ASIC2: variants seen among roughly 807,000 people sequenced by gnomAD.
The protein encoded by ASIC2 is acid sensing ion channel subunit 2, also known as acid-sensing ion channel 2.
A neutral mutation model predicts 57.3 loss-of-function variants in ASIC2; 25 were observed. The observed-to-expected ratio is 0.44, with a 90% CI of 0.32 to 0.61. The LOEUF is 0.61. Among genes scored for constraint, ASIC2 ranks in the 20% least tolerant of loss-of-function variants. The pLI is 0.06. For missense variants in ASIC2, 641 were observed against 738.1 expected, an observed-to-expected ratio of 0.87 and a Z score of 1.52; for synonymous variants, 319 against 307.5, an observed-to-expected ratio of 1.04 and a Z score of -0.39.
At chr17:34,069,341 C>A (rs1217697217) in intron 1 of ASIC2, 1 of 80,134 alleles carries the variant, frequency 1.2e-5, no homozygotes, top group Non-Finnish European at 2.6e-5. Flanking sequence ...CTTTTTCTTT[C>A]ATTTTTTTCT....
chr17:33,156,788 A>T (rs1198025499), intron 1 of ASIC2, among the ~76,000 whole-genome samples: 1 of 152,016 alleles, frequency 6.6e-6, no homozygotes, highest in Non-Finnish European at 1.5e-5. Flanking sequence ...CAAACAAACA[A>T]ATCAGTGCTT....
At chr17:33,475,687 C>T (rs1913196911) in intron 1 of ASIC2, among the ~76,000 whole-genome samples, 1 of 152,174 alleles carries the variant, frequency 6.6e-6, no homozygotes, top group Admixed American at 6.5e-5. Flanking sequence ...AAGTCTTTTG[C>T]AGCTCCTCAC....
intron 1 of ASIC2, among the ~76,000 whole-genome samples, chr17:33,655,048 A>G (rs1191432259): frequency 1.3e-5 from 2 of 152,132 alleles, no homozygotes; most frequent in Admixed American, 1.3e-4. Context: ...CTCTTCTCTC[A>G]ATCCCCCACT....
chr17:33,803,869 A>G (rs1464560514), intron 1 of ASIC2, among the ~76,000 whole-genome samples: 5 of 152,174 alleles, frequency 3.3e-5, no homozygotes, highest in Admixed American at 2.0e-4. Context: ...ACTACAGCCC[A>G]GGAGCCTTTT....
chr17:33,124,918 AG>A (rs1163524064), intron 1 of ASIC2, among the ~76,000 whole-genome samples: 2 of 152,164 alleles, frequency 1.3e-5, no homozygotes, highest in Admixed American at 6.5e-5. Flanking sequence ...GATTCTCTTA[AG>A]GGGGGCACAA....
chr17:33,911,178 C>G (rs1414112383), intron 1 of ASIC2, among the ~76,000 whole-genome samples: 5 of 152,190 alleles, frequency 3.3e-5, no homozygotes, highest in Non-Finnish European at 5.9e-5. Context: ...GATGTTTTTT[C>G]TTTATCATCC....
chr17:33,723,771 G>A lies in ASIC2; in HGVS notation c.555+432207C>T, dbSNP rs574507948. ...GCTTTGTGGATGATGGACGTATTCT[G>A]TTCTTTGTTCTGGATGGTGGTTCTC... On this transcript the variant is annotated intron_variant, in intron 1 of 9. Transcript: ENST00000359872. Among the ~76,000 whole-genome samples the A allele has an allele frequency of 3.3e-5, 5 of 152,336 alleles. No individual in the cohort carries two copies. The East Asian group carries it at 9.6e-4, about 29-fold the overall frequency.
At chr17:33,690,646 TG>T (rs1370519585) in intron 1 of ASIC2, among the ~76,000 whole-genome samples, 1 of 152,052 alleles carries the variant, frequency 6.6e-6, no homozygotes, top group Non-Finnish European at 1.5e-5. Flanking sequence ...TATGGTTTGT[TG>T]GGGGCTGTCA....
At chr17:33,749,480 G>A (rs1026447714) in intron 1 of ASIC2, among the ~76,000 whole-genome samples, 7 of 152,026 alleles carry the variant, frequency 4.6e-5, no homozygotes, top group African/African-American at 1.7e-4. Context: ...CTGTGGGCCT[G>A]GGGGTCTCTC....
In ASIC2 at chr17:33,052,472, G is replaced by A. The variant is rs1286013229; in HGVS notation, c.988-24080C>T. On this transcript the variant is annotated intron_variant, in intron 3 of 9. Transcript: ENST00000225823. The stretch of plus-strand genomic sequence containing the variant: ...TGCCTTAGAGCCTCTGTCTCCTGTC[G>A]ATGCGAGAGGGAAGAGCCATCTATT... 3.9e-5 allele frequency: 6 copies of A among 152,276 alleles called. No individual in the cohort carries two copies. In the East Asian group the frequency reaches 5.8e-4, roughly 15 times the overall value. 9.4% of individuals were successfully genotyped at this position (152,276 alleles called of 1,614,324 possible).
chr17:33,931,444 G>C (rs1472924159), intron 1 of ASIC2: 1 of 152,146 alleles, frequency 6.6e-6, no homozygotes, highest in Non-Finnish European at 1.5e-5. Flanking sequence ...ATGCAGCGCC[G>C]GGCTGTCTGA....
Position 33,740,718 on chromosome 17 carries a change from C to T in ASIC2, c.555+415260G>A, listed in dbSNP as rs1057206516. Among the ~76,000 whole-genome samples the T allele has an allele frequency of 7.9e-5, 12 of 152,272 alleles. No homozygotes were observed. In the South Asian group the frequency reaches 2.5e-3, roughly 32 times the overall value. On this transcript the variant is annotated intron_variant, in intron 1 of 9. Coordinates refer to the ASIC2 transcript ENST00000359872. ...GGCTGGATGAGGATGAGATACTACACACAGTGCATTCCAAGAACACCTTTA... is the reference window on the plus strand; with the variant it reads ...GGCTGGATGAGGATGAGATACTACATACAGTGCATTCCAAGAACACCTTTA...
chr17:33,673,700 G>C (rs958544170), intron 1 of ASIC2, among the ~76,000 whole-genome samples: 1 of 152,130 alleles, frequency 6.6e-6, no homozygotes, highest in African/African-American at 2.4e-5. Flanking sequence ...ACTCTCTCGG[G>C]GAGAAACATG....
intron 1 of ASIC2, among the ~76,000 whole-genome samples, chr17:33,524,740 A>G (rs548308597): frequency 5.3e-5 from 8 of 151,966 alleles, no homozygotes; most frequent in African/African-American, 1.9e-4. Flanking sequence ...AGTGTTATTT[A>G]TTTGTTTGTT....
chr17:33,159,537 C>T (rs1173472770), intron 1 of ASIC2, among the ~76,000 whole-genome samples: 1 of 152,178 alleles, frequency 6.6e-6, no homozygotes, highest in African/African-American at 2.4e-5. Flanking sequence ...TACACGGTCG[C>T]TAAAATCTAG....
intron 2 of ASIC2, among the ~76,000 whole-genome samples, chr17:33,101,443 C>T (rs753180167): frequency 2.2e-4 from 34 of 152,278 alleles, no homozygotes; most frequent in Non-Finnish European, 4.3e-4. Flanking sequence ...TTCCTACCCC[C>T]GAGTCCTACT....
chr17:33,170,996 G>A (rs1905498859), intron 1 of ASIC2, among the ~76,000 whole-genome samples: 1 of 152,112 alleles, frequency 6.6e-6, no homozygotes, highest in South Asian at 2.1e-4. Flanking sequence ...TGATGTTGTG[G>A]GCCTCAACAA....
intron 1 of ASIC2, among the ~76,000 whole-genome samples, chr17:33,683,758 G>T (rs987547638): frequency 4.1e-4 from 62 of 152,198 alleles, no homozygotes; most frequent in Middle Eastern, 6.8e-3. Flanking sequence ...GCCCAGGCTG[G>T]TCTCAAACTC....
intron 1 of ASIC2, among the ~76,000 whole-genome samples, chr17:33,653,687 T>C (rs1906992703): frequency 6.6e-6 from 1 of 152,228 alleles, no homozygotes; most frequent in South Asian, 2.1e-4. Flanking sequence ...TGGATTGCTT[T>C]GGCCACCTTC....
Sources: gnomAD v4.1 joint callset for allele counts (sites outside exome capture counted in the v4.1 genomes callset) on GRCh38, gnomAD v4.1.1 for gene constraint, MANE v1.5 for transcripts, NCBI Gene and HGNC (gene_info 2026-07-23, HGNC 2026-07-21) for gene names.